The following ZNF536 variants were observed in gnomAD, a reference collection of about 807,000 sequenced individuals.
ZNF536 encodes the protein zinc finger protein 536.
A neutral mutation model predicts 84.5 loss-of-function variants in ZNF536; 13 were observed. The observed-to-expected ratio is 0.15, with a 90% CI of 0.10 to 0.24. The LOEUF is 0.24. Among genes scored for constraint, ZNF536 ranks in the 10% least tolerant of loss-of-function variants. The probability of loss-of-function intolerance (pLI) is 1.00; values close to 1 mark genes in which losing one functional copy is unlikely to be tolerated. For missense variants in ZNF536, 1,536 were observed against 1,747.5 expected (o/e 0.88, Z 2.16); for synonymous variants, 811 against 742.5 (o/e 1.09, Z -1.50).
chr19:30,572,394 G>A (rs2046580170), intron 1 of ZNF536, among the ~76,000 whole-genome samples: 1 of 152,174 alleles, frequency 6.6e-6, no homozygotes, highest in East Asian at 1.9e-4. Flanking sequence ...TATGGAGAGA[G>A]GAGAGGTGGG....
rs567808391 is a variant in ZNF536 at position 30,576,928 on chromosome 19, C to T, written c.169+27414C>T. ...CTCAGTTTCCCTGGTTCACATGCTC[C>T]TCACAGTTGTACTTTAAATACTCTT... On this transcript the variant is annotated intron_variant, in intron 1 of 1. Transcript: ENST00000592773. Among the ~76,000 whole-genome samples the T allele has an allele frequency of 2.7e-4, 41 of 152,354 alleles. No homozygotes were observed. The East Asian group carries it at 6.7e-3, about 25-fold the overall frequency.
At position 30,548,816 on chromosome 19, in the gene ZNF536, C is replaced by T. The variant is rs1368292106; in HGVS notation, c.3197C>T (p.Ser1066Phe). The T allele has an allele frequency of 1.9e-6, 3 of 1,613,948 alleles. No individual in the cohort carries two copies. Among genetic ancestry groups the T allele is most frequent in the Non-Finnish European group, 2.5e-6 (3 of 1,180,038 alleles). ...CAATCAAACAAAGACCTGGGCCTCT[C>T]CAATATGATCAGCTCTCTAGACTCT... is the stretch of plus-strand genomic sequence containing the variant. ...SLQSNKDLGL[S>F]NMISSLDSAS... The change falls in exon 4 of 5, where the codon TCC becomes TTC. Residue 1066 changes from serine (S) to phenylalanine (F), a missense_variant. Coordinates refer to ENST00000355537, the MANE Select transcript of ZNF536 (RefSeq NM_014717.3).
intron 1 of ZNF536, among the ~76,000 whole-genome samples, chr19:30,652,421 A>G (rs571283738): frequency 2.0e-5 from 3 of 152,268 alleles, no homozygotes; most frequent in South Asian, 4.1e-4. Context: ...GACACCACTA[A>G]ATGTCGTGAA....
At chr19:30,614,014 C>T (rs2048194359) in intron 1 of ZNF536, among the ~76,000 whole-genome samples, 2 of 152,194 alleles carry the variant, frequency 1.3e-5, no homozygotes, top group South Asian at 4.1e-4. Flanking sequence ...AGGTGCGTGC[C>T]ACCATGCCCA....
chr19:30,436,064 C>T lies in ZNF536; in HGVS notation c.-2-7497C>T, dbSNP rs148943704. ...CTTGTCCTACCAGCATGGAAGCTGC[C>T]TGGGGCTCCATGGGACCACATATTA... On this transcript the variant is annotated intron_variant, in intron 1 of 4. Coordinates refer to ENST00000355537, the MANE Select transcript of ZNF536 (RefSeq NM_014717.3). Among the ~76,000 whole-genome samples, 33 of 152,190 alleles carry T rather than the reference C, an allele frequency of 2.2e-4. No individual in the cohort carries two copies. The East Asian group carries it at 5.2e-3, about 24-fold the overall frequency.
chr19:30,607,731 C>A (rs115805691), intron 1 of ZNF536, among the ~76,000 whole-genome samples: 2,599 of 146,100 alleles, frequency 0.018, 67 homozygotes, highest in African/African-American at 0.061. Flanking sequence ...AAAAAAGTAA[C>A]ATACTTTCAG....
intron 1 of ZNF536, among the ~76,000 whole-genome samples, chr19:30,398,683 T>C (rs2049922767): frequency 6.6e-6 from 1 of 152,150 alleles, no homozygotes; most frequent in Non-Finnish European, 1.5e-5. Context: ...AATGATGGTT[T>C]TCAGCTTCAT....
intron 1 of ZNF536, among the ~76,000 whole-genome samples, chr19:30,265,054 A>G (rs2025440410): frequency 6.6e-6 from 1 of 152,048 alleles, no homozygotes; most frequent in African/African-American, 2.4e-5. Context: ...AGTTTGTCAC[A>G]GAGCTCTGCC....
At chr19:30,488,767 T>A (rs2054393379) in intron 2 of ZNF536, among the ~76,000 whole-genome samples, 1 of 152,144 alleles carries the variant, frequency 6.6e-6, no homozygotes, top group Non-Finnish European at 1.5e-5. Flanking sequence ...TCCCCTTTCT[T>A]CTCCCCTTGG....
chr19:30,252,571 G>A (rs1226488754), intron 1 of ZNF536, among the ~76,000 whole-genome samples: 2 of 147,476 alleles, frequency 1.4e-5, no homozygotes, highest in Non-Finnish European at 3.0e-5. Flanking sequence ...GCCATAGCCC[G>A]AGAGACACCT....
intron 3 of ZNF536, among the ~76,000 whole-genome samples, chr19:30,362,734 G>A (rs2048312597): frequency 6.6e-6 from 1 of 152,148 alleles, no homozygotes; most frequent in African/African-American, 2.4e-5. Flanking sequence ...ACAAAGGACT[G>A]TTGGGCTTAC....
intron 1 of ZNF536, among the ~76,000 whole-genome samples, chr19:30,242,552 A>G (rs1372771972): frequency 2.0e-5 from 3 of 152,116 alleles, no homozygotes; most frequent in Non-Finnish European, 4.4e-5. Flanking sequence ...TTTTCCATCC[A>G]TGACCAGGAA....
chr19:30,225,714 G>T (rs1182397448), upstream of ZNF536, among the ~76,000 whole-genome samples: 1 of 142,436 alleles, frequency 7.0e-6, no homozygotes, highest in African/African-American at 2.6e-5. Context: ...GGCGCGGCGC[G>T]GTGCGGGGGG....
chr19:30,252,815 T>C (rs565630907), intron 1 of ZNF536, among the ~76,000 whole-genome samples: 1 of 152,362 alleles, frequency 6.6e-6, no homozygotes, highest in Admixed American at 6.5e-5. Flanking sequence ...GCATTTTTTG[T>C]ACCTATGTAG....
At chr19:30,334,158 A>G (rs1033878046) in intron 2 of ZNF536, among the ~76,000 whole-genome samples, 11 of 152,332 alleles carry the variant, frequency 7.2e-5, no homozygotes, top group South Asian at 2.1e-4. Flanking sequence ...AGTTTCGCCA[A>G]TGGGAAATGA....
At chr19:30,330,066 A>G (rs1328170595) in intron 2 of ZNF536, among the ~76,000 whole-genome samples, 1 of 152,204 alleles carries the variant, frequency 6.6e-6, no homozygotes, top group African/African-American at 2.4e-5. Flanking sequence ...TTCAATAAAT[A>G]CTACTTTGGT....
At chr19:30,240,354 C>G (rs1315170673) in intron 1 of ZNF536, among the ~76,000 whole-genome samples, 1 of 149,834 alleles carries the variant, frequency 6.7e-6, no homozygotes, top group Non-Finnish European at 1.5e-5. Flanking sequence ...GCCTGGGTGA[C>G]AGAGCAAGAC....
intron 1 of ZNF536, among the ~76,000 whole-genome samples, chr19:30,709,756 C>G (rs1472296260): frequency 3.9e-5 from 6 of 152,162 alleles, no homozygotes; most frequent in Non-Finnish European, 8.8e-5. Context: ...TCCTGAGTAG[C>G]TGGGACCACA....
intron 1 of ZNF536, among the ~76,000 whole-genome samples, chr19:30,582,409 T>A (rs1295736661): frequency 2.4e-5 from 3 of 127,032 alleles, no homozygotes; most frequent in Non-Finnish European, 4.9e-5. Context: ...TCAGACAGGG[T>A]CTAATTCTCT....
Sources: gnomAD v4.1 joint callset for allele counts (sites outside exome capture counted in the v4.1 genomes callset) on GRCh38, gnomAD v4.1.1 for gene constraint, MANE v1.5 for transcripts, NCBI Gene and HGNC (gene_info 2026-07-23, HGNC 2026-07-21) for gene names.